Variants in CDH12 observed in about 807,000 individuals in gnomAD.
CDH12 encodes cadherin-12.
CDH12 carries 41 observed loss-of-function variants against 74.1 expected under a neutral mutation model. The ratio of observed to expected loss-of-function variants is 0.55; its 90% CI spans 0.43 to 0.72. The LOEUF (loss-of-function observed/expected upper bound fraction) is 0.72. CDH12 is among the 30% of genes least tolerant of loss of function. CDH12 has a pLI of 0.00. For synonymous variants in CDH12, 399 were observed against 355.0 expected (o/e 1.12, Z -1.39); for missense variants, 945 against 977.2 (o/e 0.97, Z 0.44).
At position 21,941,967 on chromosome 5, in the gene CDH12, C is replaced by T. The variant is rs564592672; in HGVS notation, c.526+33124G>A. ...CTGGAACCTGTGAAAATGTCACCTTCCATGACAAAAAGACATTGTAGAAGC... is the reference window on the plus strand; with the variant it reads ...CTGGAACCTGTGAAAATGTCACCTTTCATGACAAAAAGACATTGTAGAAGC... On this transcript the variant is annotated intron_variant, in intron 6 of 14. Coordinates refer to ENST00000382254, the MANE Select transcript of CDH12 (RefSeq NM_004061.5). Among the ~76,000 whole-genome samples, 131 of 152,124 alleles carry T rather than the reference C, an allele frequency of 8.6e-4. 1 individual carries two copies. The South Asian group carries it at 0.027, about 31-fold the overall frequency.
intron 1 of CDH12, among the ~76,000 whole-genome samples, chr5:22,807,962 T>C (rs1046119362): frequency 1.3e-5 from 2 of 152,204 alleles, no homozygotes; most frequent in Admixed American, 6.5e-5. Context: ...ATTAAATGTA[T>C]AAAAAATAAA....
rs974973216 is a variant in CDH12 at position 22,628,910 on chromosome 5, G to A, written c.-522-123546C>T. 1.7e-4 allele frequency among the ~76,000 whole-genome samples: 26 copies of A among 151,596 alleles called. 1 individual carries two copies. Among genetic ancestry groups the A allele is most frequent in the African/African-American group, 6.1e-4 (25 of 41,278 alleles). On this transcript the variant is annotated intron_variant, in intron 1 of 14. Transcript: ENST00000382254. ...ATGAATACAATCAGAAATGACAATG[G>A]GGACATTACCACTGACCCCTCAGAA... is the stretch of plus-strand genomic sequence containing the variant.
chr5:21,953,493 T>G lies in CDH12; in HGVS notation c.526+21598A>C, dbSNP rs187482731. Among the ~76,000 whole-genome samples the G allele has an allele frequency of 3.7e-3, 568 of 152,320 alleles. 4 individuals carry two copies. Among genetic ancestry groups the G allele is most frequent in the Middle Eastern group, 0.017 (5 of 294 alleles). On this transcript the variant is annotated intron_variant, in intron 6 of 14. Coordinates refer to ENST00000382254, the MANE Select transcript of CDH12 (RefSeq NM_004061.5). ...ATATTTTGACAGAATTTGTTTTTTG[T>G]GTATTTTTCTGTGTATTTCTACCTC...
chr5:22,750,496 A>G (rs1429684973), intron 1 of CDH12, among the ~76,000 whole-genome samples: 1 of 152,188 alleles, frequency 6.6e-6, no homozygotes, highest in Non-Finnish European at 1.5e-5. Flanking sequence ...TTATGGTAAT[A>G]GCAATGTGAA....
intron 1 of CDH12, among the ~76,000 whole-genome samples, chr5:22,526,157 T>C (rs1215849111): frequency 1.3e-5 from 2 of 152,300 alleles, no homozygotes; most frequent in East Asian, 1.9e-4. Flanking sequence ...GTTTTATATA[T>C]TAACTAAATC....
At chr5:22,181,355 A>G (rs1749635345) in intron 4 of CDH12, among the ~76,000 whole-genome samples, 1 of 151,974 alleles carries the variant, frequency 6.6e-6, no homozygotes. Flanking sequence ...GAAGTCCCCT[A>G]TTCTCCTCAG....
At chr5:22,345,302 A>G (rs1054256024) in intron 3 of CDH12, among the ~76,000 whole-genome samples, 4 of 152,220 alleles carry the variant, frequency 2.6e-5, no homozygotes, top group African/African-American at 9.6e-5. Context: ...CACTGTTAAA[A>G]TAGTCTTTTC....
At chr5:22,261,346 C>T (rs1490628247) in intron 3 of CDH12, among the ~76,000 whole-genome samples, 1 of 151,902 alleles carries the variant, frequency 6.6e-6, no homozygotes, top group Non-Finnish European at 1.5e-5. Context: ...CACCATTTCT[C>T]TATTTTCAGC....
At chr5:22,775,616 G>T (rs543182391) in intron 1 of CDH12, among the ~76,000 whole-genome samples, 5 of 151,630 alleles carry the variant, frequency 3.3e-5, no homozygotes, top group African/African-American at 1.2e-4. Context: ...TTTCCTTTTC[G>T]GTGAGATTAA....
chr5:22,040,281 A>C (rs1398447561), intron 5 of CDH12, among the ~76,000 whole-genome samples: 3 of 152,160 alleles, frequency 2.0e-5, no homozygotes, highest in African/African-American at 7.2e-5. Flanking sequence ...AGAATGAAAC[A>C]AAGAGTGAAG....
intron 1 of CDH12, among the ~76,000 whole-genome samples, chr5:22,538,190 T>C (rs1385580437): frequency 1.3e-5 from 2 of 152,192 alleles, no homozygotes; most frequent in Non-Finnish European, 2.9e-5. Context: ...TTTCATTAAC[T>C]ACCATCTCCG....
At chr5:21,817,226 A>G (rs370457596) in intron 8 of CDH12, 94 bp from the exon 9 acceptor site, 2 of 813,932 alleles carry the variant, frequency 2.5e-6, no homozygotes, top group African/African-American at 3.5e-5. Flanking sequence ...CTGAAAGTAA[A>G]TCACATTTAG....
chr5:21,910,312 T>G (rs1414255548), intron 6 of CDH12, among the ~76,000 whole-genome samples: 2 of 152,062 alleles, frequency 1.3e-5, no homozygotes, highest in African/African-American at 4.8e-5. Context: ...AACATCAAAT[T>G]CAGAAGCTCC....
At chr5:22,167,070 A>T (rs1444259111) in intron 4 of CDH12, among the ~76,000 whole-genome samples, 1 of 152,218 alleles carries the variant, frequency 6.6e-6, no homozygotes, top group African/African-American at 2.4e-5. Context: ...AAACATGATT[A>T]TTCATAATTT....
Position 22,325,973 on chromosome 5 carries a change from T to C in CDH12, c.-333+79284A>G, listed in dbSNP as rs1322330644. Among the ~76,000 whole-genome samples, 5 of 152,166 alleles carry C rather than the reference T, an allele frequency of 3.3e-5. No homozygotes were observed. In the East Asian group the frequency reaches 9.7e-4, roughly 29 times the overall value. Reference sequence around the variant, plus strand: ...AATAAAGCTAATCAAAATAAATTCATTGGATTAATGAGTGAAAAAGTCATA... The same window carrying C: ...AATAAAGCTAATCAAAATAAATTCACTGGATTAATGAGTGAAAAAGTCATA... On this transcript the variant is annotated intron_variant, in intron 3 of 14. Coordinates refer to ENST00000382254, the MANE Select transcript of CDH12 (RefSeq NM_004061.5).
chr5:22,280,709 T>G lies in CDH12; in HGVS notation c.-332-68066A>C, dbSNP rs1736840595. Among the ~76,000 whole-genome samples the G allele has an allele frequency of 2.6e-5, 4 of 152,000 alleles. No homozygotes were observed. In the South Asian group the frequency reaches 8.3e-4, roughly 32 times the overall value. Reference sequence around the variant, plus strand: ...ATCTCTGAATAGACCAATAACAGGCTCTGAAATTGAGGCAATAATTAATAG... The same window carrying G: ...ATCTCTGAATAGACCAATAACAGGCGCTGAAATTGAGGCAATAATTAATAG... On this transcript the variant is annotated intron_variant, in intron 3 of 14. Coordinates refer to ENST00000382254, the MANE Select transcript of CDH12 (RefSeq NM_004061.5).
chr5:22,543,193 T>C (rs1046700201), intron 1 of CDH12, among the ~76,000 whole-genome samples: 5 of 152,114 alleles, frequency 3.3e-5, no homozygotes, highest in African/African-American at 1.2e-4. Flanking sequence ...ACAGAGTTAA[T>C]AGGAGAATCA....
chr5:22,794,468 G>A (rs1748086419), intron 1 of CDH12, among the ~76,000 whole-genome samples: 1 of 152,102 alleles, frequency 6.6e-6, no homozygotes, highest in Non-Finnish European at 1.5e-5. Context: ...GCGGAGTCTG[G>A]GTCCACAGTC....
At chr5:21,858,884 T>C (rs1231721411) in intron 6 of CDH12, among the ~76,000 whole-genome samples, 1 of 151,994 alleles carries the variant, frequency 6.6e-6, no homozygotes. Context: ...GTATTTCTTG[T>C]ATAGAGCACG....
Sources: gnomAD v4.1 joint callset for allele counts (sites outside exome capture counted in the v4.1 genomes callset) on GRCh38, gnomAD v4.1.1 for gene constraint, MANE v1.5 for transcripts, NCBI Gene and HGNC (gene_info 2026-07-23, HGNC 2026-07-21) for gene names.